The following TMEM132D variants were observed in gnomAD, a reference collection of about 807,000 sequenced individuals.
The protein encoded by TMEM132D is transmembrane protein 132D.
A neutral mutation model predicts 62.3 loss-of-function variants in TMEM132D; 21 were observed. The ratio of observed to expected loss-of-function variants is 0.34; its 90% CI spans 0.24 to 0.49. The LOEUF is 0.49. Among genes scored for constraint, TMEM132D ranks in the 20% least tolerant of loss-of-function variants. The pLI is 0.99. For synonymous variants in TMEM132D, 621 were observed against 575.6 expected (o/e 1.08, Z -1.13); for missense variants, 1,346 against 1,402.8 (o/e 0.96, Z 0.65).
rs189056191 is a variant in TMEM132D, at chr12:129,732,011, T to C, written c.80-31313A>G. Among the ~76,000 whole-genome samples, 1,059 of 152,152 alleles carry C rather than the reference T, an allele frequency of 7.0e-3. 11 individuals carry two copies. The highest frequency in any genetic ancestry group is 0.025 in the African/African-American group (1,024 of 41,506). ...TCATGATGGTTTTAAAACAGCCCCA[T>C]GGGTTTTCAGATGCTACCATCGAGT... On this transcript the variant is annotated intron_variant, in intron 1 of 8. Coordinates refer to ENST00000422113, the MANE Select transcript of TMEM132D (RefSeq NM_133448.3).
chr12:129,545,880 G>A (rs1175067224), intron 2 of TMEM132D, among the ~76,000 whole-genome samples: 1 of 152,176 alleles, frequency 6.6e-6, no homozygotes, highest in Non-Finnish European at 1.5e-5. Context: ...CCGTCTCTCG[G>A]AGCTGTCTCT....
chr12:129,209,302 C>T (rs1309387826), intron 5 of TMEM132D, among the ~76,000 whole-genome samples: 1 of 152,138 alleles, frequency 6.6e-6, no homozygotes, highest in African/African-American at 2.4e-5. Flanking sequence ...GGACAGCCTC[C>T]CAGACTCGGA....
chr12:129,123,515 G>T (rs1320832235), intron 5 of TMEM132D, among the ~76,000 whole-genome samples: 1 of 152,104 alleles, frequency 6.6e-6, no homozygotes, highest in Non-Finnish European at 1.5e-5. Flanking sequence ...TCTATGTGGG[G>T]TCTCCAGGGT....
At chr12:129,178,766 G>GTA (rs1459202821) in intron 5 of TMEM132D, among the ~76,000 whole-genome samples, 3 of 152,126 alleles carry the variant, frequency 2.0e-5, no homozygotes, top group Non-Finnish European at 4.4e-5. Context: ...CCATGCCTAT[G>GTA]TATACATGCT....
chr12:129,634,620 A>C (rs1379934253), intron 2 of TMEM132D, among the ~76,000 whole-genome samples: 1 of 152,210 alleles, frequency 6.6e-6, no homozygotes, highest in Admixed American at 6.5e-5. Context: ...GACTATACTA[A>C]ATTATTCATG....
At chr12:129,539,427 C>T (rs1276494037) in intron 2 of TMEM132D, among the ~76,000 whole-genome samples, 3 of 119,616 alleles carry the variant, frequency 2.5e-5, no homozygotes, top group Non-Finnish European at 3.4e-5. Flanking sequence ...TTTTTTGAGA[C>T]GGAGTCTCAC....
At chr12:129,764,271 C>T (rs149894150) in intron 1 of TMEM132D, among the ~76,000 whole-genome samples, 1 of 152,104 alleles carries the variant, frequency 6.6e-6, no homozygotes, top group Non-Finnish European at 1.5e-5. Flanking sequence ...TGTGTTGATA[C>T]CCCTTCAGCA....
At chr12:129,686,069 T>G (rs988437831) in intron 2 of TMEM132D, among the ~76,000 whole-genome samples, 1 of 152,192 alleles carries the variant, frequency 6.6e-6, no homozygotes, top group African/African-American at 2.4e-5. Flanking sequence ...TTTTCTCAGA[T>G]GAAACTTTGA....
intron 1 of TMEM132D, among the ~76,000 whole-genome samples, chr12:129,879,834 A>G (rs779043309): frequency 9.9e-5 from 15 of 152,182 alleles, no homozygotes; most frequent in Non-Finnish European, 1.6e-4. Context: ...AAAGAAGACA[A>G]CCAAGAAAAC....
intron 1 of TMEM132D, among the ~76,000 whole-genome samples, chr12:129,705,095 T>C (rs1881472307): frequency 6.6e-6 from 1 of 152,108 alleles, no homozygotes; most frequent in Non-Finnish European, 1.5e-5. Context: ...TACAGCTAAA[T>C]AGAAAAGGCG....
intron 2 of TMEM132D, among the ~76,000 whole-genome samples, chr12:129,664,086 T>C (rs1880312421): frequency 6.6e-6 from 1 of 152,208 alleles, no homozygotes; most frequent in Admixed American, 6.5e-5. Flanking sequence ...TTCATTTCTA[T>C]TTTTAAAAAA....
chr12:129,199,971 A>C (rs1356859970), intron 5 of TMEM132D, among the ~76,000 whole-genome samples: 1 of 152,198 alleles, frequency 6.6e-6, no homozygotes, highest in African/African-American at 2.4e-5. Flanking sequence ...TAACGTTAGG[A>C]AGTCAACTTT....
At chr12:129,623,698 T>TATACACATAC (rs1555222213) in intron 2 of TMEM132D, among the ~76,000 whole-genome samples, 1 of 143,590 alleles carries the variant, frequency 7.0e-6, no homozygotes, top group African/African-American at 2.7e-5. Flanking sequence ...TATATACATA[T>TATACACATAC]ATATACATAC....
At chr12:129,766,018 G>A (rs888701915) in intron 1 of TMEM132D, among the ~76,000 whole-genome samples, 1 of 152,098 alleles carries the variant, frequency 6.6e-6, no homozygotes, top group African/African-American at 2.4e-5. Flanking sequence ...ACTTGTTCTG[G>A]ACAATGAGGC....
intron 1 of TMEM132D, among the ~76,000 whole-genome samples, chr12:129,729,993 G>A (rs547836625): frequency 6.6e-6 from 1 of 151,928 alleles, no homozygotes; most frequent in South Asian, 2.1e-4. Flanking sequence ...CTAACTCCAC[G>A]GCCTATCCCA....
At chr12:129,131,971 C>T (rs1876388660) in intron 5 of TMEM132D, among the ~76,000 whole-genome samples, 2 of 152,322 alleles carry the variant, frequency 1.3e-5, no homozygotes, top group South Asian at 4.1e-4. Flanking sequence ...ACTTTTAAAC[C>T]TAACCCTCCT....
intron 5 of TMEM132D, among the ~76,000 whole-genome samples, chr12:129,098,603 T>C (rs182816570): frequency 1.3e-5 from 2 of 152,308 alleles, no homozygotes; most frequent in Admixed American, 6.5e-5. Context: ...CCATTTCTTC[T>C]AGATAAAGAA....
In TMEM132D at chr12:129,337,614, C is replaced by G. The variant is rs760220668; in HGVS notation, c.1299+20G>C. Reference sequence around the variant, plus strand: ...CTCCCCCGAGTTCAGTTCTAACAGCCCAGGGCGGGGCTTGCTTACCATAGC... The same window carrying G: ...CTCCCCCGAGTTCAGTTCTAACAGCGCAGGGCGGGGCTTGCTTACCATAGC... On this transcript the variant is annotated intron_variant, in intron 4 of 8. Coordinates refer to ENST00000422113, the MANE Select transcript of TMEM132D (RefSeq NM_133448.3). 1.2e-6 allele frequency: 2 copies of G among 1,613,470 alleles called. No individual in the cohort carries two copies. The highest frequency in any genetic ancestry group is 2.7e-5 in the African/African-American group (2 of 75,056).
rs140270149 is a variant in TMEM132D at position 129,556,230 on chromosome 12, C to T, written c.969-25025G>A. On this transcript the variant is annotated intron_variant, in intron 2 of 8. Transcript: ENST00000422113. ...GTTTCATTCTCTAACACAAACATTC[C>T]ACCGCTGCTCGTCTCACCCAGCAGC... is the stretch of plus-strand genomic sequence containing the variant. Among the ~76,000 whole-genome samples, 703 of 152,266 alleles carry T rather than the reference C, an allele frequency of 4.6e-3. 5 individuals are homozygous for T. Among genetic ancestry groups the T allele is most frequent in the African/African-American group, 0.015 (643 of 41,534 alleles).
Sources: allele counts gnomAD v4.1 joint callset (sites outside exome capture counted in the v4.1 genomes callset), GRCh38; gene constraint gnomAD v4.1.1; transcripts MANE v1.5; gene names NCBI Gene and HGNC (gene_info 2026-07-23, HGNC 2026-07-21).